Variants in CAP2 observed in about 807,000 individuals in gnomAD.
CAP2 encodes cyclase associated actin cytoskeleton regulatory protein 2.
A neutral mutation model predicts 57.7 loss-of-function variants in CAP2; 24 were observed. That is an observed-to-expected ratio of 0.42 (90% confidence interval 0.30 to 0.58). The LOEUF is 0.58. CAP2 is among the 20% of genes least tolerant of loss of function. The pLI is 0.22. For synonymous variants in CAP2, 194 were observed against 207.2 expected (o/e 0.94, Z 0.55); for missense variants, 501 against 590.3 (o/e 0.85, Z 1.57).
intron 2 of CAP2, among the ~76,000 whole-genome samples, chr6:17,422,306 G>A (rs987226784): frequency 6.0e-5 from 9 of 148,796 alleles, no homozygotes; most frequent in African/African-American, 1.7e-4. Context: ...ACATAACTAC[G>A]TCACGGTGTT....
chr6:17,514,101 C>T (rs147560934), intron 7 of CAP2, 147 bp downstream of exon 7: 8 of 621,436 alleles, frequency 1.3e-5, no homozygotes, highest in East Asian at 5.6e-5. Flanking sequence ...CGGTGGCTCA[C>T]GCCTGTAATC....
Position 17,427,608 on chromosome 6 carries a change from C to CAA in CAP2, c.222+932_222+933dup, listed in dbSNP as rs113060001. Among the ~76,000 whole-genome samples the CAA allele has an allele frequency of 5.4e-3, 666 of 123,900 alleles. 3 individuals carry two copies. The highest frequency in any genetic ancestry group is 0.013 in the Middle Eastern group (3 of 238). 81.3% of individuals were successfully genotyped at this position (123,900 alleles called of 152,430 possible). The stretch of plus-strand genomic sequence containing the variant: ...TGTGGAAAACAGTGTGTTGGCTCCT[C>CAA]AAAAAAAAAAAAAAATGGAACTACT... On this transcript the variant is annotated intron_variant, in intron 3 of 12. Transcript: ENST00000229922.
intron 1 of CAP2, among the ~76,000 whole-genome samples, chr6:17,407,043 G>T (rs866870843): frequency 9.2e-5 from 14 of 152,188 alleles, no homozygotes; most frequent in African/African-American, 3.4e-4. Context: ...GAATCAGATA[G>T]TTGCCTTTTG....
intron 3 of CAP2, among the ~76,000 whole-genome samples, chr6:17,437,759 C>T (rs1759933846): frequency 6.6e-6 from 1 of 152,046 alleles, no homozygotes; most frequent in African/African-American, 2.4e-5. Context: ...TGCCTGTAAT[C>T]CCAGCTACTC....
intron 3 of CAP2, among the ~76,000 whole-genome samples, chr6:17,457,876 C>A (rs1760617553): frequency 6.6e-6 from 1 of 152,240 alleles, no homozygotes; most frequent in Admixed American, 6.5e-5. Flanking sequence ...AATGCCACCT[C>A]TGAGCTACAA....
chr6:17,539,514 A>C, intron 8 of CAP2, 56 bp downstream of exon 8: 2 of 1,392,442 alleles, frequency 1.4e-6, no homozygotes, highest in African/African-American at 2.9e-5. Flanking sequence ...GCTCCCAGAC[A>C]CAAAAGAGCC....
intron 3 of CAP2, among the ~76,000 whole-genome samples, chr6:17,435,214 A>C (rs1486914994): frequency 4.8e-5 from 5 of 105,200 alleles, no homozygotes; most frequent in Admixed American, 3.5e-4. Flanking sequence ...TCATGCTGCT[A>C]TAAAGACACA....
chr6:17,477,418 C>T (rs1037589442), intron 4 of CAP2, among the ~76,000 whole-genome samples: 3 of 152,186 alleles, frequency 2.0e-5, no homozygotes, highest in Non-Finnish European at 4.4e-5. Context: ...GTCCAGTGCT[C>T]ATAACGAGTG....
intron 7 of CAP2, among the ~76,000 whole-genome samples, chr6:17,518,244 T>C (rs10949428): frequency 0.23 from 34,709 of 152,132 alleles, 4,493 homozygotes; most frequent in African/African-American, 0.34. Context: ...TTAAAAAGTA[T>C]ATTATAACAA....
chr6:17,503,543 GCAGTGAGC>G (rs2113652193), intron 4 of CAP2, among the ~76,000 whole-genome samples: 1 of 148,620 alleles, frequency 6.7e-6, no homozygotes, highest in African/African-American at 2.5e-5. Context: ...GGTGGAGGTT[GCAGTGAGC>G]CAAGATCGTG....
intron 3 of CAP2, among the ~76,000 whole-genome samples, chr6:17,452,034 A>G (rs1234443541): frequency 2.6e-5 from 4 of 152,182 alleles, no homozygotes; most frequent in Non-Finnish European, 5.9e-5. Flanking sequence ...TTGAAAGTCT[A>G]AAAAACCCAA....
chr6:17,426,048 TCACGC>T lies in CAP2; in HGVS notation c.122-538_122-534del. 1.3e-5 allele frequency among the ~76,000 whole-genome samples: 2 copies of T among 151,572 alleles called. 1 individual carries two copies. The highest frequency in any genetic ancestry group is 2.9e-5 in the Non-Finnish European group (2 of 67,926). ...AGGAGGAGGTTGCAGTGAGCCAAGA[TCACGC>T]CACTGCACTCCAGCCTGGGTGACAG... On this transcript the variant is annotated intron_variant, in intron 2 of 12. Transcript: ENST00000229922.
At chr6:17,402,159 C>A (rs1231506327) in intron 1 of CAP2, among the ~76,000 whole-genome samples, 1 of 152,192 alleles carries the variant, frequency 6.6e-6, no homozygotes, top group Non-Finnish European at 1.5e-5. Flanking sequence ...TAAGACTAAT[C>A]TTGATGAGAA....
At chr6:17,414,606 A>G (rs1759230870) in intron 1 of CAP2, among the ~76,000 whole-genome samples, 1 of 152,168 alleles carries the variant, frequency 6.6e-6, no homozygotes, top group South Asian at 2.1e-4. Context: ...ACGGCTGCAT[A>G]GTATTCCATG....
At chr6:17,550,620 T>G (rs1288380028) in intron 11 of CAP2, among the ~76,000 whole-genome samples, 1 of 152,002 alleles carries the variant, frequency 6.6e-6, no homozygotes, top group African/African-American at 2.4e-5. Context: ...TTAATTACCA[T>G]GACAAGAAGG....
At chr6:17,458,053 G>A (rs1294279491) in intron 3 of CAP2, among the ~76,000 whole-genome samples, 16 of 152,130 alleles carry the variant, frequency 1.1e-4, no homozygotes. Context: ...GTTGTATTTT[G>A]TAGTCTTTTA....
chr6:17,531,644 G>T, intron 7 of CAP2: 1 of 1,111,592 alleles, frequency 9.0e-7, no homozygotes, highest in Non-Finnish European at 1.3e-6. Flanking sequence ...CATGGTTCCA[G>T]CCAGAAAAAG....
At chr6:17,452,311 T>C (rs1488936795) in intron 3 of CAP2, among the ~76,000 whole-genome samples, 1 of 152,230 alleles carries the variant, frequency 6.6e-6, no homozygotes, top group Non-Finnish European at 1.5e-5. Context: ...ACTGTGTTAC[T>C]GACAAAACAG....
chr6:17,439,466 C>A (rs957503774), intron 3 of CAP2, among the ~76,000 whole-genome samples: 2 of 151,480 alleles, frequency 1.3e-5, no homozygotes, highest in Non-Finnish European at 2.9e-5. Context: ...CAGTAGTCAA[C>A]CTTTTTGGCA....
Sources: allele counts gnomAD v4.1 joint callset (sites outside exome capture counted in the v4.1 genomes callset), GRCh38; gene constraint gnomAD v4.1.1; transcripts MANE v1.5; gene names NCBI Gene and HGNC (gene_info 2026-07-23, HGNC 2026-07-21).